Variants in SLCO1B3 observed in about 807,000 individuals in gnomAD.
SLCO1B3 encodes solute carrier organic anion transporter family member 1B3.
Under a neutral mutation model 71.8 loss-of-function variants are expected in SLCO1B3, and 72 were observed. The ratio of observed to expected loss-of-function variants is 1.00; its 90% CI spans 0.83 to 1.22. The LOEUF is 1.22. Ranked by LOEUF, SLCO1B3 falls within the 50% of genes most tolerant of loss-of-function variation. SLCO1B3 has a pLI of 0.00. For missense variants in SLCO1B3, 911 were observed against 819.7 expected (o/e 1.11, Z -1.36); for synonymous variants, 298 against 278.4 (o/e 1.07, Z -0.70).
At chr12:20,845,027 C>CAAA (rs36120748) in intron 3 of SLCO1B3, 38 of 190,824 alleles carry the variant, frequency 2.0e-4, no homozygotes, top group Non-Finnish European at 2.4e-4. Context: ...AAGACTGTCT[C>CAAA]AAAAAAAAAA....
chr12:20,852,336 A>G (rs923067652), intron 3 of SLCO1B3, among the ~76,000 whole-genome samples: 1 of 152,046 alleles, frequency 6.6e-6, no homozygotes, highest in African/African-American at 2.4e-5. Flanking sequence ...GTAATTAGTT[A>G]GGCATAGTGG....
chr12:20,909,519 TG>T (rs1866330668), intron 15 of SLCO1B3, among the ~76,000 whole-genome samples: 1 of 151,728 alleles, frequency 6.6e-6, no homozygotes, highest in Non-Finnish European at 1.5e-5. Flanking sequence ...ATATTTTTTG[TG>T]GGGAGATATA....
chr12:20,897,074 T>G (rs955583579), intron 13 of SLCO1B3, among the ~76,000 whole-genome samples: 8 of 152,192 alleles, frequency 5.3e-5, no homozygotes, highest in African/African-American at 1.7e-4. Flanking sequence ...GTGGGTATTA[T>G]GTGAGTAAAA....
chr12:20,814,322 C>T (rs1006486865), intron 2 of SLCO1B3, among the ~76,000 whole-genome samples: 17 of 152,046 alleles, frequency 1.1e-4, no homozygotes, highest in Non-Finnish European at 1.9e-4. Context: ...CAAAACTTCA[C>T]TTGTAGGAAT....
At chr12:20,863,344 A>G (rs1177893114) in intron 8 of SLCO1B3, among the ~76,000 whole-genome samples, 1 of 152,130 alleles carries the variant, frequency 6.6e-6, no homozygotes, top group Non-Finnish European at 1.5e-5. Context: ...GGGAACATTT[A>G]ATGAGTGCTT....
chr12:20,855,194 T>C (rs1440787215), intron 4 of SLCO1B3, 25 bp downstream of exon 4: 3 of 1,578,664 alleles, frequency 1.9e-6, no homozygotes, highest in African/African-American at 1.4e-5. Context: ...TTCTATTTGA[T>C]AACCATACTT....
At chr12:20,837,056 G>A (rs1177650323) in intron 3 of SLCO1B3, among the ~76,000 whole-genome samples, 1 of 152,060 alleles carries the variant, frequency 6.6e-6, no homozygotes, top group Non-Finnish European at 1.5e-5. Flanking sequence ...GTTTATTTTG[G>A]GAAATTGGTC....
intron 3 of SLCO1B3, among the ~76,000 whole-genome samples, chr12:20,852,135 G>A (rs11494709): frequency 0.54 from 81,619 of 152,020 alleles, 24,683 homozygotes; most frequent in South Asian, 0.77. Flanking sequence ...GCTACGCAGG[G>A]TGCCTTTGGA....
intron 15 of SLCO1B3, among the ~76,000 whole-genome samples, chr12:20,909,026 G>A (rs1331317887): frequency 6.6e-6 from 1 of 152,074 alleles, no homozygotes; most frequent in Non-Finnish European, 1.5e-5. Flanking sequence ...AGTTTCTATT[G>A]CTCCACTTCC....
At chr12:20,897,522 T>G in intron 13 of SLCO1B3, among the ~76,000 whole-genome samples, 1 of 152,204 alleles carries the variant, frequency 6.6e-6, no homozygotes, top group South Asian at 2.1e-4. Flanking sequence ...GTCATTTGGA[T>G]GAGAGAAAGC....
chr12:20,845,402 C>T, intron 3 of SLCO1B3: 1 of 193,138 alleles, frequency 5.2e-6, no homozygotes, highest in Non-Finnish European at 1.1e-5. Flanking sequence ...ACTCTCATCC[C>T]AAGACCTACT....
Position 20,910,204 on chromosome 12 carries a change from A to T in SLCO1B3, c.1866-5800A>T, listed in dbSNP as rs117161849. On this transcript the variant is annotated intron_variant, in intron 15 of 15. Transcript: ENST00000381545. ...TAATTGTTCCAGCACCATTTGTTGC[A>T]AATACTATATTTTCTCCATTGTAGT... Among the ~76,000 whole-genome samples, 18 of 152,320 alleles carry T rather than the reference A, an allele frequency of 1.2e-4. No homozygotes were observed. The East Asian group carries it at 3.5e-3, about 29-fold the overall frequency.
chr12:20,910,701 C>A (rs1218038374), intron 15 of SLCO1B3, among the ~76,000 whole-genome samples: 5 of 152,044 alleles, frequency 3.3e-5, no homozygotes, highest in Non-Finnish European at 7.4e-5. Context: ...CCCAATGTTT[C>A]ATTTTTGGGG....
At chr12:20,831,356 CAAAAAA>C (rs35410136) in intron 3 of SLCO1B3, among the ~76,000 whole-genome samples, 7 of 91,214 alleles carry the variant, frequency 7.7e-5, no homozygotes, top group Non-Finnish European at 1.2e-4. Flanking sequence ...GACGCCATAT[CAAAAAA>C]AAAAAAAAAA....
intron 8 of SLCO1B3, among the ~76,000 whole-genome samples, chr12:20,868,987 A>G (rs11045571): frequency 0.72 from 110,010 of 151,918 alleles, 42,450 homozygotes; most frequent in South Asian, 0.9. Flanking sequence ...GGCAGAGCCA[A>G]GTGTACAGGA....
At chr12:20,888,214 G>A (rs986495250) in intron 13 of SLCO1B3, among the ~76,000 whole-genome samples, 2 of 151,744 alleles carry the variant, frequency 1.3e-5, no homozygotes, top group African/African-American at 4.8e-5. Flanking sequence ...GACTTTTTTG[G>A]TTCCGTATGA....
At chr12:20,838,868 T>C (rs192072602) in intron 3 of SLCO1B3, among the ~76,000 whole-genome samples, 1 of 152,204 alleles carries the variant, frequency 6.6e-6, no homozygotes, top group Admixed American at 6.5e-5. Context: ...TCTATATTTG[T>C]ATTCCACTCT....
At chr12:20,893,065 G>T (rs950667769) in intron 13 of SLCO1B3, among the ~76,000 whole-genome samples, 1 of 152,158 alleles carries the variant, frequency 6.6e-6, no homozygotes, top group African/African-American at 2.4e-5. Context: ...CTGTGAAGAG[G>T]TTAGGGGAAT....
rs147428265 is a variant in SLCO1B3, at chr12:20,879,608, C to T, written c.1308C>T (p.Ala436=). The part of the protein sequence containing the change: ...FPLICESKSV[A]GLTLTYDGNN... Reference sequence around the variant, plus strand: ...TAATCTGCGAAAGCAAATCAGTTGCCGGCCTAACCTTGACCTATGATGGGT... The same window carrying T: ...TAATCTGCGAAAGCAAATCAGTTGCTGGCCTAACCTTGACCTATGATGGGT... The change falls in exon 11 of 16, where the codon GCC becomes GCT. Residue 436 remains alanine (A), a synonymous_variant. Coordinates refer to ENST00000381545, the MANE Select transcript of SLCO1B3 (RefSeq NM_019844.4). 65 of 1,610,404 alleles carry T rather than the reference C, an allele frequency of 4.0e-5. No individual in the cohort carries two copies. The East Asian group carries it at 7.8e-4, about 19-fold the overall frequency.
Sources: allele counts gnomAD v4.1 joint callset (sites outside exome capture counted in the v4.1 genomes callset), GRCh38; gene constraint gnomAD v4.1.1; transcripts MANE v1.5; gene names NCBI Gene and HGNC (gene_info 2026-07-23, HGNC 2026-07-21).